Variants in MUC12 observed in about 807,000 individuals in gnomAD.
The protein encoded by MUC12 is mucin 12, cell surface associated.
Under a neutral mutation model 230.8 loss-of-function variants are expected in MUC12, and 172 were observed. The ratio of observed to expected loss-of-function variants is 0.75; its 90% CI spans 0.66 to 0.85. The LOEUF is 0.85. Among genes scored for constraint, MUC12 ranks in the 40% least tolerant of loss-of-function variants. The pLI, the probability that MUC12 is intolerant of heterozygous loss-of-function variation, is 0.00. For synonymous variants in MUC12, 1,259 were observed against 2,401.9 expected (o/e 0.52, Z 13.91); for missense variants, 3,506 against 5,920.6 (o/e 0.59, Z 13.38).
In MUC12 at chr7:100,990,627, A is replaced by G. The variant is rs977848730; in HGVS notation, c.68-4A>G. 3.9e-6 allele frequency: 6 copies of G among 1,537,276 alleles called. No homozygotes were observed. The highest frequency in any genetic ancestry group is 1.4e-5 in the African/African-American group (1 of 73,036). On this transcript the variant is annotated splice_polypyrimidine_tract_variant and splice_region_variant and intron_variant, in intron 1 of 11. Coordinates refer to ENST00000536621, the MANE Select transcript of MUC12 (RefSeq NM_001164462.2). ...CACTTTCTCTGGTTTCTCTCAAATC[A>G]CAGGCTCAACAGTAAACACCAGTAT...
chr7:100,989,096 CTTCT>C (rs1465871564), intron 1 of MUC12, among the ~76,000 whole-genome samples: 1 of 134,958 alleles, frequency 7.4e-6, no homozygotes, highest in Non-Finnish European at 1.6e-5. Context: ...TCTTCCTCTT[CTTCT>C]TTTTTTTTTT....
intron 10 of MUC12, 86 bp downstream of exon 10, chr7:101,015,777 G>C: frequency 3.2e-6 from 4 of 1,234,342 alleles, no homozygotes; most frequent in Non-Finnish European, 4.5e-6. Context: ...GGGTGACGTG[G>C]GGTCCAGCCC....
In MUC12 at chr7:101,004,877, C is replaced by G. The variant is rs372122040; in HGVS notation, c.14314C>G (p.Gln4772Glu). 77 of 1,537,546 alleles carry G rather than the reference C, an allele frequency of 5.0e-5. No individual in the cohort carries two copies. The highest frequency in any genetic ancestry group is 6.5e-5 in the Non-Finnish European group (75 of 1,147,026). ...ISGEPTSLYS[Q>E]AESTHTTAFP... ...TGGAGAACCCACCAGCTTGTATAGC[C>G]AAGCAGAGTCAACACACACAACAGC... The change falls in exon 2 of 12, where the codon CAA (glutamine) becomes GAA (glutamate). Residue 4772 changes from glutamine (Q) to glutamate (E), a missense_variant. Physicochemically the swap from Gln to Glu is conservative, Grantham distance 29 (BLOSUM62 2). Transcript: ENST00000536621.
intron 1 of MUC12, among the ~76,000 whole-genome samples, chr7:100,980,193 C>T (rs991561275): frequency 6.6e-6 from 1 of 152,006 alleles, no homozygotes; most frequent in Non-Finnish European, 1.5e-5. Flanking sequence ...ATAGGTGTGC[C>T]ACCACACTCA....
rs201046730 is a variant in MUC12, at chr7:101,002,796, C to A, written c.12233C>A (p.Thr4078Asn). 8.5e-6 allele frequency: 10 copies of A among 1,176,934 alleles called. 1 individual carries two copies. The African/African-American group carries it at 1.0e-4, about 12-fold the overall frequency. The allele number at this position is 1,176,934 out of a possible 1,614,324, so 72.9% of individuals were successfully genotyped here. Residue 4078 changes from threonine to asparagine, a missense_variant, in exon 2 of 12, where the codon ACC (threonine) becomes AAC (asparagine). Thr to Asn is a moderately conservative substitution (Grantham distance 65, BLOSUM62 0). Coordinates refer to ENST00000536621, the MANE Select transcript of MUC12 (RefSeq NM_001164462.2). ...AGCACTGGCCTTCAGGAAGAATCTA[C>A]CACTTTCCAGAGCTGGCCAAGCTCA... is the stretch of plus-strand genomic sequence containing the variant. ...STSTGLQEES[T>N]TFQSWPSSSD...
chr7:101,006,200 G>A (rs762863076), intron 2 of MUC12, among the ~76,000 whole-genome samples: 1 of 152,082 alleles, frequency 6.6e-6, no homozygotes, highest in Non-Finnish European at 1.5e-5. Flanking sequence ...TGATCCCATG[G>A]GTAGAGTTGT....
intron 1 of MUC12, among the ~76,000 whole-genome samples, chr7:100,979,159 A>G (rs1793069787): frequency 6.6e-6 from 1 of 152,212 alleles, no homozygotes; most frequent in South Asian, 2.1e-4. Context: ...TAGAAGCAGT[A>G]AACACTGTAA....
rs772815770 is a variant in MUC12 at position 100,991,607 on chromosome 7, C to G, written c.1044C>G (p.Arg348=). The G allele has an allele frequency of 5.9e-6, 9 of 1,536,884 alleles. No homozygotes were observed. Among genetic ancestry groups the G allele is most frequent in the African/African-American group, 1.4e-5 (1 of 73,020 alleles). The change falls in exon 2 of 12, where the codon CGC becomes CGG. Residue 348 remains arginine (R), a synonymous_variant. Transcript: ENST00000536621. ...VATATTPPPA[R]SATSGHVEES... ...CTGCAACAACACCCCCACCTGCCCGCTCCGCGACCTCAGGCCATGTTGAAG... is the reference window on the plus strand; with the variant it reads ...CTGCAACAACACCCCCACCTGCCCGGTCCGCGACCTCAGGCCATGTTGAAG...
rs1793724958 is a variant in MUC12 at position 101,005,251 on chromosome 7, C to T, written c.14688C>T (p.Leu4896=). The change falls in exon 2 of 12, where the codon CTC becomes CTT. Residue 4896 remains leucine (L), a synonymous_variant. Coordinates refer to ENST00000536621, the MANE Select transcript of MUC12 (RefSeq NM_001164462.2). Reference sequence around the variant, plus strand: ...CTCACACAGTGTTACCTGCCACCCTCACAACCACAGACATTGGTCAGGAAT... The same window carrying T: ...CTCACACAGTGTTACCTGCCACCCTTACAACCACAGACATTGGTCAGGAAT... ...GFTHTVLPAT[L]TTTDIGQEST... is the part of the protein sequence containing the mutation. 6.5e-7 allele frequency: 1 copy of T among 1,537,916 alleles called. No homozygotes were observed. The highest frequency in any genetic ancestry group is 8.7e-7 in the Non-Finnish European group (1 of 1,147,062).
chr7:101,005,439 A>T lies in MUC12; in HGVS notation c.14876A>T (p.Glu4959Val). 6.5e-7 allele frequency: 1 copy of T among 1,537,922 alleles called. No homozygotes were observed. The change falls in exon 2 of 12, where the codon GAG becomes GTG. Residue 4959 changes from glutamate (E) to valine (V), a missense_variant. Glu to Val is a moderately radical substitution (Grantham distance 121). Transcript: ENST00000536621. ...AGTTCCAGCACATCAGGCCTCACTGAGGAATCTACCACCTTCCACACCAGT... is the reference window on the plus strand; with the variant it reads ...AGTTCCAGCACATCAGGCCTCACTGTGGAATCTACCACCTTCCACACCAGT... ...PASSSTSGLT[E>V]ESTTFHTSPS... is the part of the protein sequence containing the mutation.
At position 100,994,600 on chromosome 7, in the gene MUC12, C is replaced by A; in HGVS notation, c.4037C>A (p.Thr1346Asn). The change falls in exon 2 of 12, where the codon ACC (threonine) becomes AAC (asparagine). Residue 1346 changes from threonine (T) to asparagine (N), a missense_variant. Coordinates refer to ENST00000536621, the MANE Select transcript of MUC12 (RefSeq NM_001164462.2). Reference sequence around the variant, plus strand: ...ACAGCATTCCCTGACAGCACCACCACCTCAGACCTCAGTCAGGAACCTACA... The same window carrying A: ...ACAGCATTCCCTGACAGCACCACCAACTCAGACCTCAGTCAGGAACCTACA... ...HTTAFPDSTT[T>N]SDLSQEPTTS... 4.7e-6 allele frequency: 4 copies of A among 842,836 alleles called. 1 individual carries two copies. The highest frequency in any genetic ancestry group is 4.9e-6 in the Non-Finnish European group (3 of 616,538). The allele number at this position is 842,836 out of a possible 1,614,324, so 52.2% of individuals were successfully genotyped here.
rs780132232 is a variant in MUC12 at position 100,991,802 on chromosome 7, C to T, written c.1239C>T (p.His413=). 2.6e-6 allele frequency: 4 copies of T among 1,537,880 alleles called. No homozygotes were observed. The South Asian group carries it at 4.8e-5, about 18-fold the overall frequency. ...TTAALAHTSY[H]SSLGSTETTH... ...CTGCCCTAGCACATACAAGCTACCA[C>T]AGCAGCCTGGGCTCAACTGAAACAA... Residue 413 remains histidine (H), a synonymous_variant, in exon 2 of 12, where the codon CAC becomes CAT. Coordinates refer to ENST00000536621, the MANE Select transcript of MUC12 (RefSeq NM_001164462.2).
At position 101,017,627 on chromosome 7, in the gene MUC12, C is replaced by T. The variant is rs896500142; in HGVS notation, c.15930C>T (p.Phe5310=). ...GCCTTGAGAACGCCTACAACAACTT[C>T]CGGCCCACCCTGGAGACTGTTGACT... ...RFGLENAYNN[F]RPTLETVDSG... Residue 5310 remains phenylalanine (F), a synonymous_variant, in exon 11 of 12, where the codon TTC becomes TTT. Coordinates refer to ENST00000536621, the MANE Select transcript of MUC12 (RefSeq NM_001164462.2). 1.3e-6 allele frequency: 2 copies of T among 1,536,176 alleles called. No homozygotes were observed. The highest frequency in any genetic ancestry group is 1.7e-6 in the Non-Finnish European group (2 of 1,146,196).
rs774756476 is a variant in MUC12, at chr7:100,995,842, C to A, written c.5279C>A (p.Ser1760Tyr). The A allele has an allele frequency of 3.4e-6, 5 of 1,460,280 alleles. No individual in the cohort carries two copies. In the South Asian group the frequency reaches 4.9e-5, roughly 14 times the overall value. The allele number at this position is 1,460,280 out of a possible 1,614,324, so 90.5% of individuals were successfully genotyped here. A position where few individuals can be genotyped will look rare whatever the true frequency, so the allele number is the denominator to read the frequency against. The change falls in exon 2 of 12, where the codon TCC becomes TAC. Residue 1760 changes from serine to tyrosine, a missense_variant. Ser to Tyr is a moderately radical substitution (Grantham distance 144). Transcript: ENST00000536621. ...GCAACAACACCCTCGCCTGCCCGCT[C>A]CACAACCTCAGGCCTCGTTGAAGAA... ...ATATTPSPARSTTSGLVEEST... is the reference protein window; with the variant it reads ...ATATTPSPARYTTSGLVEEST...
In MUC12 at chr7:101,005,108, G is replaced by T. The variant is rs1489757053; in HGVS notation, c.14545G>T (p.Glu4849Ter). The T allele has an allele frequency of 6.5e-7, 1 of 1,537,940 alleles. No individual in the cohort carries two copies. Among genetic ancestry groups the T allele is most frequent in the Admixed American group, 2.0e-5 (1 of 51,010 alleles). ...CACCACAGTGCCAGGCCTTAGTGAGGAATCTACCACCTTCTACAGCAGCCC... is the reference window on the plus strand; with the variant it reads ...CACCACAGTGCCAGGCCTTAGTGAGTAATCTACCACCTTCTACAGCAGCCC... ...ASTTVPGLSE[E>*]STTFYSSPGS... Residue 4849 changes from glutamate (E) to a stop codon, truncating the protein, a stop_gained, in exon 2 of 12, where the codon GAA (glutamate) becomes TAA (stop). Coordinates refer to ENST00000536621, the MANE Select transcript of MUC12 (RefSeq NM_001164462.2). LOFTEE classifies it high-confidence loss of function.
In MUC12 at chr7:100,991,528, C is replaced by T. The variant is rs376756468; in HGVS notation, c.965C>T (p.Thr322Ile). 50 of 1,537,278 alleles carry T rather than the reference C, an allele frequency of 3.3e-5. No individual in the cohort carries two copies. The African/African-American group carries it at 5.6e-4, about 17-fold the overall frequency. Residue 322 changes from threonine to isoleucine, a missense_variant, in exon 2 of 12, where the codon ACA (threonine) becomes ATA (isoleucine). Physicochemically the swap from Thr to Ile is moderately conservative, Grantham distance 89. Coordinates refer to ENST00000536621, the MANE Select transcript of MUC12 (RefSeq NM_001164462.2). ...ACAACCCACTTTTCTGCCAGCTCCA[C>T]AACCTTGGGCCATAGTGAGGAATCG... The part of the protein sequence containing the change: ...TPTTHFSASS[T>I]TLGHSEESTP...
intron 1 of MUC12, among the ~76,000 whole-genome samples, chr7:100,979,842 A>C (rs1793080059): frequency 6.6e-6 from 1 of 152,052 alleles, no homozygotes; most frequent in Non-Finnish European, 1.5e-5. Context: ...ACACACATAC[A>C]TTTATATATT....
At position 100,991,646 on chromosome 7, in the gene MUC12, C is replaced by G; in HGVS notation, c.1083C>G (p.Tyr361Ter). The change falls in exon 2 of 12, where the codon TAC becomes TAG. Residue 361 changes from tyrosine (Y) to a stop codon, truncating the protein, a stop_gained. Coordinates refer to ENST00000536621, the MANE Select transcript of MUC12 (RefSeq NM_001164462.2). LOFTEE classifies it high-confidence loss of function. Reference protein sequence around the residue: ...TSGHVEESTAYHRSPGSTQTM... With the variant: ...TSGHVEESTA ...GCCATGTTGAAGAATCTACAGCCTACCACAGGAGCCCGGGCTCAACTCAAA... is the reference window on the plus strand; with the variant it reads ...GCCATGTTGAAGAATCTACAGCCTAGCACAGGAGCCCGGGCTCAACTCAAA... 2 of 1,537,070 alleles carry G rather than the reference C, an allele frequency of 1.3e-6. No homozygotes were observed. Among genetic ancestry groups the G allele is most frequent in the Non-Finnish European group, 1.7e-6 (2 of 1,146,338 alleles).
At chr7:101,007,707 T>C (rs532341197) in intron 3 of MUC12, among the ~76,000 whole-genome samples, 23 of 152,336 alleles carry the variant, frequency 1.5e-4, no homozygotes, top group African/African-American at 3.4e-4. Flanking sequence ...GCAACAAACA[T>C]GGGAGTGCAG....
Sources: gnomAD v4.1 joint callset for allele counts (sites outside exome capture counted in the v4.1 genomes callset) on GRCh38, gnomAD v4.1.1 for gene constraint, MANE v1.5 for transcripts, NCBI Gene and HGNC (gene_info 2026-07-23, HGNC 2026-07-21) for gene names.